MAPK8: variants seen among roughly 807,000 people sequenced by gnomAD.
The protein encoded by MAPK8 is JUN N-terminal kinase.
A neutral mutation model predicts 52.9 loss-of-function variants in MAPK8; 13 were observed. The ratio of observed to expected loss-of-function variants is 0.25; its 90% CI spans 0.16 to 0.39. MAPK8 has a LOEUF of 0.39. Ranked by LOEUF, MAPK8 falls within the 10% of genes least tolerant of loss-of-function variation. The pLI is 1.00. For synonymous variants in MAPK8, 191 were observed against 169.8 expected, an observed-to-expected ratio of 1.12 and a Z score of -0.97; for missense variants, 300 against 519.2, an observed-to-expected ratio of 0.58 and a Z score of 4.10.
intron 5 of MAPK8, among the ~76,000 whole-genome samples, chr10:48,412,527 A>G (rs1450880815): frequency 1.7e-4 from 26 of 152,306 alleles, no homozygotes; most frequent in Non-Finnish European, 3.7e-4. Context: ...AACTCCCATT[A>G]TGCAAAGTTG....
chr10:48,370,325 T>G (rs1848429965), intron 1 of MAPK8, among the ~76,000 whole-genome samples: 2 of 152,160 alleles, frequency 1.3e-5, no homozygotes, highest in African/African-American at 4.8e-5. Flanking sequence ...CTTGGGATTT[T>G]TTTTTTCACT....
chr10:48,336,495 A>G (rs1844700937), intron 1 of MAPK8, among the ~76,000 whole-genome samples: 1 of 152,206 alleles, frequency 6.6e-6, no homozygotes, highest in African/African-American at 2.4e-5. Context: ...GTGTTGTTAA[A>G]AATTATTGAA....
intron 1 of MAPK8, among the ~76,000 whole-genome samples, chr10:48,351,411 A>G (rs1401608098): frequency 2.7e-5 from 4 of 150,818 alleles, no homozygotes; most frequent in Non-Finnish European, 4.4e-5. Flanking sequence ...AGGTCTCGCT[A>G]TGGTGCCCAG....
intron 1 of MAPK8, among the ~76,000 whole-genome samples, chr10:48,332,898 G>A (rs114900720): frequency 1.4e-4 from 21 of 152,256 alleles, no homozygotes; most frequent in African/African-American, 4.8e-4. Context: ...TGGCCTTCAA[G>A]GAGCTTTAGG....
At chr10:48,406,186 A>AT (rs1264849571) in intron 3 of MAPK8, among the ~76,000 whole-genome samples, 12 of 152,186 alleles carry the variant, frequency 7.9e-5, no homozygotes, top group African/African-American at 4.8e-5. Flanking sequence ...GAATGACGTA[A>AT]AAAAGGTCCA....
intron 1 of MAPK8, among the ~76,000 whole-genome samples, chr10:48,378,646 G>C (rs1589126480): frequency 6.6e-6 from 1 of 152,022 alleles, no homozygotes; most frequent in African/African-American, 2.4e-5. Flanking sequence ...CAATGGTCAG[G>C]CTAGAATCTA....
In MAPK8 at chr10:48,308,404, A is replaced by G. The variant is rs930030212; in HGVS notation, c.-50+1583A>G. The G allele has an allele frequency of 2.6e-5, 4 of 152,264 alleles. No individual in the cohort carries two copies. In the East Asian group the frequency reaches 7.7e-4, roughly 29 times the overall value. 9.4% of individuals were successfully genotyped at this position (152,264 alleles called of 1,614,324 possible). ...CATAAAGTTTTGGAAGCTTCATGCA[A>G]CTGTCGCATCAGATGGCTAAATGGT... On this transcript the variant is annotated intron_variant, in intron 1 of 11. Coordinates refer to ENST00000374189, the MANE Select transcript of MAPK8 (RefSeq NM_001323329.2).
At chr10:48,383,385 AG>A (rs1476141710) in intron 1 of MAPK8, among the ~76,000 whole-genome samples, 4 of 152,208 alleles carry the variant, frequency 2.6e-5, no homozygotes, top group Admixed American at 2.0e-4. Flanking sequence ...GGAAGGGAAA[AG>A]GATCAGTAAC....
chr10:48,389,941 G>A (rs1346373185), intron 1 of MAPK8, among the ~76,000 whole-genome samples: 1 of 152,086 alleles, frequency 6.6e-6, no homozygotes, highest in Admixed American at 6.6e-5. Context: ...TAGTTCATGT[G>A]GGTATGGAGG....
intron 1 of MAPK8, among the ~76,000 whole-genome samples, chr10:48,338,459 C>A (rs979054870): frequency 6.6e-6 from 1 of 151,990 alleles, no homozygotes; most frequent in Non-Finnish European, 1.5e-5. Context: ...TATGACATAC[C>A]CACAGCCAAC....
intron 5 of MAPK8, among the ~76,000 whole-genome samples, chr10:48,418,050 A>G (rs748153258): frequency 7.9e-5 from 12 of 152,220 alleles, no homozygotes; most frequent in South Asian, 2.1e-4. Context: ...AAAAGCAGCC[A>G]TAGGTGATCT....
At chr10:48,343,511 T>C (rs909430791) in intron 1 of MAPK8, among the ~76,000 whole-genome samples, 5 of 152,208 alleles carry the variant, frequency 3.3e-5, no homozygotes, top group Admixed American at 2.0e-4. Flanking sequence ...GGACCCAGTA[T>C]CTTCAAGGTA....
rs1175277089 is a variant in MAPK8 at position 48,350,720 on chromosome 10, C to T, written c.-50+43899C>T. Among the ~76,000 whole-genome samples, 6 of 152,222 alleles carry T rather than the reference C, an allele frequency of 3.9e-5. No homozygotes were observed. In the East Asian group the frequency reaches 1.2e-3, roughly 29 times the overall value. On this transcript the variant is annotated intron_variant, in intron 1 of 11. Transcript: ENST00000374189. The stretch of plus-strand genomic sequence containing the variant: ...GAAAACCAGCACAAGGCAAGGATGT[C>T]CTCTCTCACTACTCCTATTCAATAT...
chr10:48,325,298 C>G (rs1843403289), intron 1 of MAPK8, among the ~76,000 whole-genome samples: 1 of 152,178 alleles, frequency 6.6e-6, no homozygotes, highest in Non-Finnish European at 1.5e-5. Flanking sequence ...AGACCTTTCC[C>G]TCTTGTCAAC....
chr10:48,312,194 G>A (rs1842043656), intron 1 of MAPK8, among the ~76,000 whole-genome samples: 1 of 152,138 alleles, frequency 6.6e-6, no homozygotes, highest in African/African-American at 2.4e-5. Context: ...TGAGAGTGTG[G>A]TGCACATTAG....
intron 3 of MAPK8, among the ~76,000 whole-genome samples, chr10:48,408,718 T>C (rs188891904): frequency 2.8e-4 from 43 of 152,336 alleles, no homozygotes; most frequent in African/African-American, 9.9e-4. Context: ...TAGTGACCCT[T>C]AATCAGCTCA....
intron 1 of MAPK8, among the ~76,000 whole-genome samples, chr10:48,329,940 A>T (rs1043246393): frequency 1.3e-5 from 2 of 152,352 alleles, no homozygotes; most frequent in Non-Finnish European, 2.9e-5. Context: ...CATTTAAAAA[A>T]ATTTTTTTTA....
At chr10:48,387,856 T>C (rs1031490319) in intron 1 of MAPK8, among the ~76,000 whole-genome samples, 1 of 151,964 alleles carries the variant, frequency 6.6e-6, no homozygotes, top group African/African-American at 2.4e-5. Context: ...TATGTCAGTT[T>C]TGTGGATTAT....
intron 1 of MAPK8, among the ~76,000 whole-genome samples, chr10:48,372,438 G>A (rs1332057170): frequency 1.3e-5 from 2 of 152,026 alleles, no homozygotes; most frequent in Non-Finnish European, 2.9e-5. Flanking sequence ...AGCTAAAGGA[G>A]CATATTCTAA....
Sources: allele counts gnomAD v4.1 joint callset (sites outside exome capture counted in the v4.1 genomes callset), GRCh38; gene constraint gnomAD v4.1.1; transcripts MANE v1.5; gene names NCBI Gene and HGNC (gene_info 2026-07-23, HGNC 2026-07-21).